Variants in TRPC5 observed in about 807,000 individuals in gnomAD.
TRPC5 encodes short transient receptor potential channel 5.
A neutral mutation model predicts 56.5 loss-of-function variants in TRPC5; 9 were observed. That is an observed-to-expected ratio of 0.16 (90% CI 0.10 to 0.28). TRPC5 has a LOEUF of 0.28. Among genes scored for constraint, TRPC5 ranks in the 10% least tolerant of loss-of-function variants. TRPC5 has a pLI of 1.00. For synonymous variants in TRPC5, 282 were observed against 278.5 expected (o/e 1.01, Z -0.13); for missense variants, 469 against 748.9 (o/e 0.63, Z 4.36).
chrX:111,857,352 G>A (rs1028783318), intron 3 of TRPC5, among the ~76,000 whole-genome samples: 3 of 111,739 alleles, frequency 2.7e-5, no homozygotes, highest in Non-Finnish European at 5.6e-5. Context: ...TTGGCAGGAT[G>A]TGCTGATGGA....
intron 2 of TRPC5, among the ~76,000 whole-genome samples, chrX:111,919,599 C>G (rs910280975): frequency 8.9e-6 from 1 of 112,048 alleles, no homozygotes; most frequent in South Asian, 3.7e-4. Flanking sequence ...CTTTTTGTAT[C>G]TCAATTCCCT....
At chrX:111,891,697 C>T (rs958792608) in intron 3 of TRPC5, among the ~76,000 whole-genome samples, 2 of 110,668 alleles carry the variant, frequency 1.8e-5, no homozygotes, top group South Asian at 3.9e-4. Flanking sequence ...CCCACCACAA[C>T]GCCCAGCTAA....
rs536494010 is a variant in TRPC5 at position 111,772,369 on chromosome X, A to G, written c.*3944T>C. On this transcript the variant is annotated 3_prime_UTR_variant, in exon 11 of 11. Coordinates refer to ENST00000262839, the MANE Select transcript of TRPC5 (RefSeq NM_012471.3). ...ACACTTGGATCAATTTGCATTGACT[A>G]TGTCTATATGAGCAATCTTTTGAAA... is the stretch of plus-strand genomic sequence containing the variant. Among the ~76,000 whole-genome samples, 2 of 112,328 alleles carry G rather than the reference A, an allele frequency of 1.8e-5. No individual in the cohort carries two copies. Among genetic ancestry groups the G allele is most frequent in the Non-Finnish European group, 3.8e-5 (2 of 53,325 alleles).
At chrX:111,800,008 A>C (rs1215786167) in intron 7 of TRPC5, among the ~76,000 whole-genome samples, 1 of 112,247 alleles carries the variant, frequency 8.9e-6, no homozygotes, top group Non-Finnish European at 1.9e-5. Flanking sequence ...TCTTTATGAC[A>C]GGGACCCTTC....
At chrX:111,894,063 G>A (rs1924944198) in intron 3 of TRPC5, among the ~76,000 whole-genome samples, 1 of 111,189 alleles carries the variant, frequency 9.0e-6, no homozygotes, top group East Asian at 2.8e-4. Flanking sequence ...CTGCAGCACC[G>A]GAGAAGGGAA....
intron 7 of TRPC5, among the ~76,000 whole-genome samples, chrX:111,789,275 T>G (rs1569525249): frequency 9.0e-6 from 1 of 111,523 alleles, no homozygotes; most frequent in Non-Finnish European, 1.9e-5. Context: ...TCTACAACCA[T>G]CTGATCTTTG....
intron 3 of TRPC5, among the ~76,000 whole-genome samples, chrX:111,905,789 C>T (rs1039730925): frequency 3.7e-5 from 4 of 108,934 alleles, no homozygotes; most frequent in Non-Finnish European, 7.6e-5. Context: ...GTGGCGGGCG[C>T]CTGTAGTCCC....
At chrX:111,897,140 T>C (rs1248567334) in intron 3 of TRPC5, among the ~76,000 whole-genome samples, 2 of 111,601 alleles carry the variant, frequency 1.8e-5, no homozygotes, top group East Asian at 5.6e-4. Context: ...TTGGGTCCCA[T>C]TCCTAAGATA....
rs754141777 is a variant in TRPC5 at position 111,781,231 on chromosome X, GT to G, written c.2101-26del. ...CCTATAATTGAAAATAGACAGAGAT[GT>G]TACATCAGCAGTCTCCCAGCACCCT... is the stretch of plus-strand genomic sequence containing the variant. On this transcript the variant is annotated intron_variant, in intron 8 of 10. Coordinates refer to ENST00000262839, the MANE Select transcript of TRPC5 (RefSeq NM_012471.3). 8 of 1,189,138 alleles carry G rather than the reference GT, an allele frequency of 6.7e-6. No individual in the cohort carries two copies. In the South Asian group the frequency reaches 1.4e-4, roughly 21 times the overall value.
chrX:112,057,612 G>T (rs1930370981), intron 1 of TRPC5, among the ~76,000 whole-genome samples: 1 of 111,502 alleles, frequency 9.0e-6, no homozygotes, highest in Non-Finnish European at 1.9e-5. Context: ...TAATCACACT[G>T]CCAGAAAATC....
In TRPC5 at chrX:112,052,487, G is replaced by A. The variant is rs1056778878; in HGVS notation, c.-22+29392C>T. Among the ~76,000 whole-genome samples the A allele has an allele frequency of 2.7e-5, 3 of 111,107 alleles. No homozygotes were observed. In the Admixed American group the frequency reaches 2.9e-4, roughly 11 times the overall value. On this transcript the variant is annotated intron_variant, in intron 1 of 10. Coordinates refer to ENST00000262839, the MANE Select transcript of TRPC5 (RefSeq NM_012471.3). The stretch of plus-strand genomic sequence containing the variant: ...AATTGATTTTTTTGGGGAATATTTT[G>A]TTGTTGAGTTGTAGGAGTTCTTTAT...
intron 1 of TRPC5, among the ~76,000 whole-genome samples, chrX:111,984,269 A>T (rs1928155063): frequency 9.0e-6 from 1 of 111,630 alleles, no homozygotes; most frequent in African/African-American, 3.3e-5. Flanking sequence ...TTGAAGCATC[A>T]TTGGTTCGGC....
chrX:111,866,594 T>C (rs1923556613), intron 3 of TRPC5, among the ~76,000 whole-genome samples: 1 of 112,614 alleles, frequency 8.9e-6, no homozygotes, highest in African/African-American at 3.2e-5. Context: ...TAAAGCTGTG[T>C]TGTCAATGGA....
Position 111,776,598 on chromosome X carries a change from C to T in TRPC5, c.2637G>A (p.Gln879=). The T allele has an allele frequency of 2.5e-6, 3 of 1,211,925 alleles. 1 individual carries two copies. In the South Asian group the frequency reaches 5.3e-5, roughly 21 times the overall value. ...DGIVQQHCMW[Q]DIRYSQMEKG... ...TCTCCATCTGAGAATATCTGATGTCCTGCCACATACAGTGCTGCTGAACAA... is the reference window on the plus strand; with the variant it reads ...TCTCCATCTGAGAATATCTGATGTCTTGCCACATACAGTGCTGCTGAACAA... The change falls in exon 11 of 11, where the codon CAG becomes CAA. Residue 879 remains glutamine (Q), a synonymous_variant. Coordinates refer to ENST00000262839, the MANE Select transcript of TRPC5 (RefSeq NM_012471.3).
chrX:112,000,064 C>T (rs1222413886), intron 1 of TRPC5, among the ~76,000 whole-genome samples: 7 of 112,161 alleles, frequency 6.2e-5, no homozygotes, highest in Admixed American at 1.9e-4. Flanking sequence ...GCACTTTGCA[C>T]GGTATAGTTG....
At chrX:112,065,480 C>T (rs978096480) in intron 1 of TRPC5, among the ~76,000 whole-genome samples, 1 of 111,978 alleles carries the variant, frequency 8.9e-6, no homozygotes, top group African/African-American at 3.3e-5. Flanking sequence ...TAGGATATTG[C>T]CTTCAAACCT....
At chrX:111,973,205 A>G (rs183356449) in intron 1 of TRPC5, among the ~76,000 whole-genome samples, 158 of 111,664 alleles carry the variant, frequency 1.4e-3, no homozygotes, top group Admixed American at 0.014. Flanking sequence ...TTCCCTTTTT[A>G]ATTTCCCTCC....
chrX:112,073,122 C>T (rs1930754647), intron 1 of TRPC5, among the ~76,000 whole-genome samples: 1 of 112,098 alleles, frequency 8.9e-6, no homozygotes, highest in Non-Finnish European at 1.9e-5. Flanking sequence ...TTGCACAGGT[C>T]TCTTTTTGCC....
At chrX:111,993,412 T>A (rs1434803154) in intron 1 of TRPC5, among the ~76,000 whole-genome samples, 1 of 112,232 alleles carries the variant, frequency 8.9e-6, no homozygotes, top group Admixed American at 9.5e-5. Flanking sequence ...TTTGGATATA[T>A]ACCCAGTAAT....
Sources: gnomAD v4.1 joint callset for allele counts (sites outside exome capture counted in the v4.1 genomes callset) on GRCh38, gnomAD v4.1.1 for gene constraint, MANE v1.5 for transcripts, NCBI Gene and HGNC (gene_info 2026-07-23, HGNC 2026-07-21) for gene names.